The following PIK3C2G variants were observed in gnomAD, a reference collection of about 807,000 sequenced individuals.
PIK3C2G encodes phosphatidylinositol-4-phosphate 3-kinase catalytic subunit type 2 gamma, also known as phosphatidylinositol 3-kinase C2 domain-containing subunit gamma.
PIK3C2G carries 168 observed loss-of-function variants against 181.1 expected under a neutral mutation model. That is an observed-to-expected ratio of 0.93 (90% confidence interval 0.82 to 1.05). The LOEUF (loss-of-function observed/expected upper bound fraction) is 1.05. Ranked by LOEUF, PIK3C2G falls within the 50% of genes least tolerant of loss-of-function variation. PIK3C2G has a pLI of 0.00. For missense variants in PIK3C2G, 1,869 were observed against 1,732.8 expected (o/e 1.08, Z -1.40); for synonymous variants, 573 against 592.2 (o/e 0.97, Z 0.47).
At chr12:18,390,710 C>A (rs567138902) in intron 14 of PIK3C2G, among the ~76,000 whole-genome samples, 1 of 151,822 alleles carries the variant, frequency 6.6e-6, no homozygotes, top group Non-Finnish European at 1.5e-5. Context: ...TTTTTTCAGG[C>A]GGGTTACATG....
intron 13 of PIK3C2G, among the ~76,000 whole-genome samples, chr12:18,375,689 G>A (rs1592100791): frequency 6.6e-6 from 1 of 152,214 alleles, no homozygotes; most frequent in Non-Finnish European, 1.5e-5. Context: ...AGGTCTCAAA[G>A]GCATTTCAGA....
At position 18,614,445 on chromosome 12, in the gene PIK3C2G, T is replaced by G. The variant is rs1007396910; in HGVS notation, c.4182+4816T>G. ...AAACACCTTTAACTAGCCCTTCCTTTTTGAACATTTTGTTACCAGCTTTTT... is the reference window on the plus strand; with the variant it reads ...AAACACCTTTAACTAGCCCTTCCTTGTTGAACATTTTGTTACCAGCTTTTT... On this transcript the variant is annotated intron_variant, in intron 31 of 32. Transcript: ENST00000538779. 9.2e-5 allele frequency among the ~76,000 whole-genome samples: 14 copies of G among 152,222 alleles called. No homozygotes were observed. In the East Asian group the frequency reaches 2.7e-3, roughly 29 times the overall value.
intron 19 of PIK3C2G, among the ~76,000 whole-genome samples, chr12:18,490,600 T>C (rs951736972): frequency 3.9e-5 from 6 of 152,308 alleles, no homozygotes; most frequent in African/African-American, 1.4e-4. Context: ...TTTTAAATTT[T>C]AACTGTCACA....
chr12:18,549,752 T>C (rs1487758251), intron 26 of PIK3C2G, among the ~76,000 whole-genome samples: 2 of 151,978 alleles, frequency 1.3e-5, no homozygotes, highest in South Asian at 2.1e-4. Flanking sequence ...GAACAGAAGT[T>C]CCTTTCTGGA....
chr12:18,678,624 A>G, the PIK3C2G span, among the ~76,000 whole-genome samples: 1 of 152,056 alleles, frequency 6.6e-6, no homozygotes, highest in African/African-American at 2.4e-5. Flanking sequence ...CCTTTTGCCT[A>G]CATTCTTTCA....
At chr12:18,370,695 T>A (rs1173470260) in intron 12 of PIK3C2G, among the ~76,000 whole-genome samples, 2 of 152,192 alleles carry the variant, frequency 1.3e-5, no homozygotes, top group Non-Finnish European at 2.9e-5. Flanking sequence ...CTAGCCACAA[T>A]GAACCATTCA....
chr12:18,435,046 C>A (rs4360750), intron 18 of PIK3C2G, among the ~76,000 whole-genome samples: 2 of 150,486 alleles, frequency 1.3e-5, no homozygotes, highest in East Asian at 3.9e-4. Flanking sequence ...CCATGGTATA[C>A]GACTGGCATC....
chr12:18,467,957 T>G (rs1053826221), intron 18 of PIK3C2G, among the ~76,000 whole-genome samples: 1 of 152,052 alleles, frequency 6.6e-6, no homozygotes, highest in Non-Finnish European at 1.5e-5. Flanking sequence ...TGAGTGGGCA[T>G]TGTTTTAAAA....
chr12:18,524,073 C>T (rs534745743), intron 24 of PIK3C2G, among the ~76,000 whole-genome samples: 1 of 152,206 alleles, frequency 6.6e-6, no homozygotes, highest in Non-Finnish European at 1.5e-5. Context: ...CACTCCTTTT[C>T]TTTTTTTCTA....
At chr12:18,705,245 T>C in the PIK3C2G span, 2 of 1,613,956 alleles carry the variant, frequency 1.2e-6, no homozygotes, top group East Asian at 2.2e-5. Context: ...CTGCAAATTG[T>C]CTGCCATTAC....
chr12:18,638,719 A>G (rs936586012), intron 31 of PIK3C2G, among the ~76,000 whole-genome samples: 2 of 152,078 alleles, frequency 1.3e-5, no homozygotes, highest in African/African-American at 4.8e-5. Context: ...ACCCAGCCAT[A>G]ATGACACACA....
chr12:18,477,185 A>G (rs1939089477), intron 18 of PIK3C2G, among the ~76,000 whole-genome samples: 1 of 152,044 alleles, frequency 6.6e-6, no homozygotes, highest in South Asian at 2.1e-4. Flanking sequence ...TTTAACCTTA[A>G]TTACCTTCCT....
intron 1 of PIK3C2G, among the ~76,000 whole-genome samples, chr12:18,271,150 C>A (rs1030483324): frequency 6.6e-6 from 1 of 152,018 alleles, no homozygotes; most frequent in African/African-American, 2.4e-5. Context: ...GACTACCAGG[C>A]CCCTCCTTTT....
At chr12:18,362,336 G>A (rs534548230) in intron 11 of PIK3C2G, among the ~76,000 whole-genome samples, 7 of 152,182 alleles carry the variant, frequency 4.6e-5, no homozygotes, top group Non-Finnish European at 8.8e-5. Context: ...TTAGATGTAC[G>A]TCCCCGTGTT....
chr12:18,559,866 A>AGAGAGAGG (rs1491532709), intron 26 of PIK3C2G, among the ~76,000 whole-genome samples: 3 of 124,094 alleles, frequency 2.4e-5, no homozygotes, highest in Non-Finnish European at 5.0e-5. Flanking sequence ...AGAGAGAGAG[A>AGAGAGAGG]CAGTTTTGCT....
chr12:18,292,227 A>AAAAAAT, intron 4 of PIK3C2G, among the ~76,000 whole-genome samples: 6 of 48,730 alleles, frequency 1.2e-4, no homozygotes, highest in African/African-American at 5.5e-4. Flanking sequence ...AAAAAAAAAA[A>AAAAAAT]ATATATATAT....
the PIK3C2G span, chr12:18,693,163 C>T: frequency 3.9e-6 from 6 of 1,546,806 alleles, no homozygotes; most frequent in Non-Finnish European, 5.4e-6. Context: ...TCTGTGGGCT[C>T]AGAACACTAC....
At chr12:18,503,212 T>C (rs1204000039) in intron 22 of PIK3C2G, 69 bp from the exon 23 acceptor site, 2 of 1,196,992 alleles carry the variant, frequency 1.7e-6, no homozygotes, top group Non-Finnish European at 2.4e-6. Context: ...CTATTGTTGT[T>C]ATATTTCCTA....
chr12:18,726,737 C>T, the PIK3C2G span, among the ~76,000 whole-genome samples: 1 of 152,236 alleles, frequency 6.6e-6, no homozygotes, highest in East Asian at 1.9e-4. Flanking sequence ...ACAGAATTTA[C>T]TTTTAATGTA....
Sources: allele counts gnomAD v4.1 joint callset (sites outside exome capture counted in the v4.1 genomes callset), GRCh38; gene constraint gnomAD v4.1.1; transcripts MANE v1.5; gene names NCBI Gene and HGNC (gene_info 2026-07-23, HGNC 2026-07-21).